Variants in PPP1R1C observed in about 807,000 individuals in gnomAD.
The protein encoded by PPP1R1C is protein phosphatase 1 regulatory subunit 1C.
Under a neutral mutation model 17.4 loss-of-function variants are expected in PPP1R1C, and 15 were observed. The observed-to-expected ratio is 0.86, with a 90% CI of 0.58 to 1.33. PPP1R1C has a LOEUF of 1.33. Among genes scored for constraint, PPP1R1C ranks in the 40% most tolerant of loss-of-function variants. The pLI is 0.00. For missense variants in PPP1R1C, 143 were observed against 130.0 expected, an observed-to-expected ratio of 1.10 and a Z score of -0.48; for synonymous variants, 35 against 43.1, an observed-to-expected ratio of 0.81 and a Z score of 0.73.
intron 2 of PPP1R1C, among the ~76,000 whole-genome samples, chr2:182,038,419 C>A (rs1403080033): frequency 6.6e-6 from 1 of 152,134 alleles, no homozygotes; most frequent in African/African-American, 2.4e-5. Context: ...TAGTGGTTTG[C>A]TTCTTCTGTC....
chr2:182,098,668 G>T (rs1380011700), intron 4 of PPP1R1C, among the ~76,000 whole-genome samples: 1 of 152,110 alleles, frequency 6.6e-6, no homozygotes, highest in African/African-American at 2.4e-5. Context: ...TTGTAATTTT[G>T]TAATAATATT....
chr2:182,096,053 A>G (rs1375850643), intron 4 of PPP1R1C, among the ~76,000 whole-genome samples: 2 of 152,182 alleles, frequency 1.3e-5, no homozygotes, highest in Non-Finnish European at 2.9e-5. Context: ...TTAAAAAGAC[A>G]AAAGCATAAT....
At chr2:181,974,501 T>C (rs972818865) in intron 1 of PPP1R1C, among the ~76,000 whole-genome samples, 1 of 152,228 alleles carries the variant, frequency 6.6e-6, no homozygotes, top group Non-Finnish European at 1.5e-5. Context: ...TGGAAAAGAC[T>C]GTGATCATAC....
At chr2:182,001,429 A>G (rs1052781256) in intron 2 of PPP1R1C, among the ~76,000 whole-genome samples, 2 of 152,156 alleles carry the variant, frequency 1.3e-5, no homozygotes, top group Non-Finnish European at 2.9e-5. Flanking sequence ...ATAAAATGGT[A>G]ATGCTGGAAA....
intron 4 of PPP1R1C, among the ~76,000 whole-genome samples, chr2:182,080,640 A>G (rs78378649): frequency 0.025 from 3,834 of 152,322 alleles, 185 homozygotes; most frequent in Admixed American, 0.12. Flanking sequence ...GACAATGAGA[A>G]ATATGAAATA....
Position 182,117,369 on chromosome 2 carries a change from C to A in PPP1R1C, c.*74C>A. The A allele has an allele frequency of 1.9e-6, 2 of 1,066,292 alleles. No homozygotes were observed. Among genetic ancestry groups the A allele is most frequent in the South Asian group, 1.5e-5 (1 of 68,470 alleles). The allele number at this position is 1,066,292 out of a possible 1,614,324, so 66.1% of individuals were successfully genotyped here. On this transcript the variant is annotated 3_prime_UTR_variant, in exon 5 of 5. Transcript: ENST00000682840. ...CTTTTCTGAGTATACCATGGAATTCCACTGCTTGACTTCCAGAAGCATCCT... is the reference window on the plus strand; with the variant it reads ...CTTTTCTGAGTATACCATGGAATTCAACTGCTTGACTTCCAGAAGCATCCT...
At chr2:182,123,051 T>C (rs770980483) in intron 5 of PPP1R1C, among the ~76,000 whole-genome samples, 130 of 152,322 alleles carry the variant, frequency 8.5e-4, no homozygotes, top group Admixed American at 4.1e-3. Flanking sequence ...CCCCTCCCTG[T>C]GCCCATATGT....
intron 4 of PPP1R1C, among the ~76,000 whole-genome samples, chr2:182,102,847 A>T (rs1222638015): frequency 6.6e-6 from 1 of 152,092 alleles, no homozygotes; most frequent in Non-Finnish European, 1.5e-5. Flanking sequence ...GGGTCTTGCT[A>T]TGTTGCCCAG....
intron 2 of PPP1R1C, among the ~76,000 whole-genome samples, chr2:182,023,072 CAT>C (rs1686477876): frequency 6.6e-6 from 1 of 152,066 alleles, no homozygotes; most frequent in Non-Finnish European, 1.5e-5. Context: ...AAATATAACA[CAT>C]AGAGACAAAT....
chr2:181,977,132 TAAAAAAAAAAAAAAAAAAAAA>T (rs67129466), intron 2 of PPP1R1C, among the ~76,000 whole-genome samples: 24 of 19,846 alleles, frequency 1.2e-3, no homozygotes, highest in South Asian at 3.0e-3. Context: ...AGAATCTATC[TAAAAAAAAAAAAAAAAAAAAA>T]AAAAAAAAAA....
chr2:182,083,343 G>A (rs955141457), intron 4 of PPP1R1C, among the ~76,000 whole-genome samples: 1 of 152,122 alleles, frequency 6.6e-6, no homozygotes, highest in South Asian at 2.1e-4. Context: ...TTGTGATGCT[G>A]CCATCATACA....
intron 1 of PPP1R1C, among the ~76,000 whole-genome samples, chr2:181,954,907 G>A (rs1361570707): frequency 1.3e-5 from 2 of 152,104 alleles, no homozygotes; most frequent in East Asian, 3.9e-4. Context: ...AAAAACATGG[G>A]TTCCATGTTT....
chr2:182,005,451 G>A (rs369624301), intron 2 of PPP1R1C, among the ~76,000 whole-genome samples: 1 of 152,154 alleles, frequency 6.6e-6, no homozygotes. Context: ...AGTCTAATGG[G>A]AGCAACATTT....
At chr2:182,110,735 A>C (rs1222073111) in intron 4 of PPP1R1C, among the ~76,000 whole-genome samples, 2 of 152,108 alleles carry the variant, frequency 1.3e-5, no homozygotes, top group East Asian at 3.9e-4. Flanking sequence ...CTGCTGATCG[A>C]TGCATTCTTT....
intron 1 of PPP1R1C, among the ~76,000 whole-genome samples, chr2:181,959,046 T>C (rs1684718203): frequency 6.6e-6 from 1 of 152,254 alleles, no homozygotes; most frequent in African/African-American, 2.4e-5. Context: ...GTATAATAGA[T>C]ATTACCATAT....
chr2:181,995,313 T>G (rs1481789665), intron 2 of PPP1R1C, among the ~76,000 whole-genome samples: 4 of 152,042 alleles, frequency 2.6e-5, no homozygotes, highest in African/African-American at 7.3e-5. Flanking sequence ...TACTTAAGAG[T>G]AGAGGCTTTG....
intron 4 of PPP1R1C, among the ~76,000 whole-genome samples, chr2:182,064,993 A>C (rs922658271): frequency 6.6e-6 from 1 of 152,084 alleles, no homozygotes; most frequent in Non-Finnish European, 1.5e-5. Flanking sequence ...TCAGAGAATA[A>C]TACTATTATT....
In PPP1R1C at chr2:181,961,790, A is replaced by C. The variant is rs1349503624; in HGVS notation, n.111+7156A>C. 1.5e-6 allele frequency: 2 copies of C among 1,317,902 alleles called. No individual in the cohort carries two copies. Among genetic ancestry groups the C allele is most frequent in the African/African-American group, 1.4e-5 (1 of 69,216 alleles). The allele number at this position is 1,317,902 out of a possible 1,614,324, so 81.6% of individuals were successfully genotyped here. A position where few individuals can be genotyped will look rare whatever the true frequency, so the allele number is the denominator to read the frequency against. On this transcript the variant is annotated intron_variant and non_coding_transcript_variant, in intron 1 of 5. Coordinates refer to the PPP1R1C transcript ENST00000464264. The surrounding 1 kb of genome is among the most constrained non-coding windows in gnomAD (Gnocchi z 5.8). ...GCATCTACCTCCACGGTCAACTCAGAGCTGGCAATCTGGGCTTGTAGGCCT... is the reference window on the plus strand; with the variant it reads ...GCATCTACCTCCACGGTCAACTCAGCGCTGGCAATCTGGGCTTGTAGGCCT...
chr2:182,114,407 G>GGC (rs1003603520), intron 4 of PPP1R1C, among the ~76,000 whole-genome samples: 9 of 152,024 alleles, frequency 5.9e-5, no homozygotes, highest in African/African-American at 2.2e-4. Flanking sequence ...TCAAATGGGG[G>GGC]TTTAAAGAAA....
Sources: allele counts gnomAD v4.1 joint callset (sites outside exome capture counted in the v4.1 genomes callset), GRCh38; gene constraint gnomAD v4.1.1; non-coding constraint Gnocchi (gnomAD v3.1); transcripts MANE v1.5; gene names NCBI Gene and HGNC (gene_info 2026-07-23, HGNC 2026-07-21).